C13orf42: variants seen among roughly 807,000 people sequenced by gnomAD.
The protein encoded by C13orf42 is uncharacterized protein C13orf42.
chr13:51,145,951 C>A (rs920747437), intron 1 of C13orf42, among the ~76,000 whole-genome samples: 2 of 152,192 alleles, frequency 1.3e-5, no homozygotes, highest in Admixed American at 1.3e-4. Flanking sequence ...AGCAAGTTCT[C>A]AACCTTGGCA....
At chr13:51,147,507 A>G (rs1953745501) in intron 1 of C13orf42, among the ~76,000 whole-genome samples, 1 of 152,132 alleles carries the variant, frequency 6.6e-6, no homozygotes, top group African/African-American at 2.4e-5. Flanking sequence ...AGGTGGGTGG[A>G]TCACCTGAGG....
Position 51,084,545 on chromosome 13 carries a change from G to T in C13orf42, c.804-220C>A, listed in dbSNP as rs879771212. Among the ~76,000 whole-genome samples, 112 of 152,364 alleles carry T rather than the reference G, an allele frequency of 7.4e-4. 1 individual carries two copies. The highest frequency in any genetic ancestry group is 6.8e-3 in the Admixed American group (104 of 15,308). On this transcript the variant is annotated intron_variant, in intron 3 of 3. Transcript: ENST00000563710. ...GGGAAGGACGGGTGGTGAGGGCTGG[G>T]TTGTGATTTTAATATGTCCAGTGCA...
chr13:51,121,725 C>CG (rs1953537228), intron 1 of C13orf42, among the ~76,000 whole-genome samples: 2 of 151,952 alleles, frequency 1.3e-5, no homozygotes, highest in South Asian at 4.2e-4. Context: ...TTAGTAGAGA[C>CG]GGGGTTTCAC....
chr13:51,097,154 C>T (rs1288135613), intron 1 of C13orf42, among the ~76,000 whole-genome samples: 1 of 152,210 alleles, frequency 6.6e-6, no homozygotes, highest in African/African-American at 2.4e-5. Flanking sequence ...TGCATAGATG[C>T]AAACAACAAT....
chr13:51,089,889 G>A (rs1279115150), intron 1 of C13orf42, among the ~76,000 whole-genome samples: 3 of 151,896 alleles, frequency 2.0e-5, no homozygotes, highest in African/African-American at 7.2e-5. Context: ...AAAAGCTTCT[G>A]CCAGTTGGAA....
chr13:51,127,382 A>G (rs1044053241), intron 1 of C13orf42, among the ~76,000 whole-genome samples: 1 of 152,240 alleles, frequency 6.6e-6, no homozygotes, highest in African/African-American at 2.4e-5. Flanking sequence ...ATGGATTCAC[A>G]GAAAGATTGT....
chr13:51,119,402 T>A (rs1329793992), intron 1 of C13orf42, among the ~76,000 whole-genome samples: 1 of 152,162 alleles, frequency 6.6e-6, no homozygotes, highest in East Asian at 1.9e-4. Context: ...CTCGTTTGTC[T>A]GATCAGCTTG....
At chr13:51,164,183 A>G (rs1213444311) in intron 1 of C13orf42, among the ~76,000 whole-genome samples, 1 of 152,186 alleles carries the variant, frequency 6.6e-6, no homozygotes, top group Non-Finnish European at 1.5e-5. Context: ...ATGTCTACTG[A>G]TATGAAGTGT....
At chr13:51,092,605 C>G (rs1953191437) in intron 1 of C13orf42, among the ~76,000 whole-genome samples, 1 of 152,004 alleles carries the variant, frequency 6.6e-6, no homozygotes, top group South Asian at 2.1e-4. Flanking sequence ...TTCTAAAACA[C>G]TCAACTTAGT....
chr13:51,108,190 G>C (rs1191000312), intron 1 of C13orf42, among the ~76,000 whole-genome samples: 1 of 152,178 alleles, frequency 6.6e-6, no homozygotes, highest in Non-Finnish European at 1.5e-5. Context: ...CCCTACTCCA[G>C]CATGACCTCA....
At chr13:51,166,287 T>C (rs1953901388) in intron 1 of C13orf42, among the ~76,000 whole-genome samples, 1 of 151,636 alleles carries the variant, frequency 6.6e-6, no homozygotes, top group Non-Finnish European at 1.5e-5. Flanking sequence ...TTCATGTCCT[T>C]TGTAGGGACA....
At chr13:51,146,921 T>A (rs1470855599) in intron 1 of C13orf42, among the ~76,000 whole-genome samples, 1 of 152,178 alleles carries the variant, frequency 6.6e-6, no homozygotes, top group Non-Finnish European at 1.5e-5. Flanking sequence ...CCTGCACCCA[T>A]CACCAAACCA....
At chr13:51,138,935 T>C (rs1478726195) in intron 1 of C13orf42, among the ~76,000 whole-genome samples, 1 of 152,174 alleles carries the variant, frequency 6.6e-6, no homozygotes, top group Non-Finnish European at 1.5e-5. Flanking sequence ...ACAATGTGGA[T>C]GAACCTGAAA....
At chr13:51,104,865 CAGG>C (rs921076334) in intron 1 of C13orf42, among the ~76,000 whole-genome samples, 1 of 151,204 alleles carries the variant, frequency 6.6e-6, no homozygotes, top group Non-Finnish European at 1.5e-5. Flanking sequence ...CTCGTCATAG[CAGG>C]AGAAGGCTGC....
At chr13:51,130,872 T>A (rs1045879098) in intron 1 of C13orf42, among the ~76,000 whole-genome samples, 1 of 151,002 alleles carries the variant, frequency 6.6e-6, no homozygotes, top group Admixed American at 6.6e-5. Flanking sequence ...AATATATATA[T>A]ATATATATAA....
chr13:51,130,379 A>C (rs985561664), intron 1 of C13orf42, among the ~76,000 whole-genome samples: 3 of 152,248 alleles, frequency 2.0e-5, no homozygotes, highest in African/African-American at 7.2e-5. Context: ...AAGGTTATAA[A>C]GAAAAGAGAT....
At chr13:51,133,247 T>C (rs1309898674) in intron 1 of C13orf42, among the ~76,000 whole-genome samples, 1 of 152,180 alleles carries the variant, frequency 6.6e-6, no homozygotes, top group African/African-American at 2.4e-5. Context: ...TTGGTACCCC[T>C]TTCCAGTAAC....
intron 1 of C13orf42, among the ~76,000 whole-genome samples, chr13:51,126,122 A>G (rs915801642): frequency 2.0e-5 from 3 of 152,238 alleles, no homozygotes; most frequent in Non-Finnish European, 4.4e-5. Flanking sequence ...TTCACATCTT[A>G]AAAGTTGTGG....
Position 51,153,630 on chromosome 13 carries a change from C to CTTTTTTTTTTTTTTT in C13orf42, n.136+18608_136+18622dup, listed in dbSNP as rs1206289963. 5.1e-3 allele frequency among the ~76,000 whole-genome samples: 418 copies of CTTTTTTTTTTTTTTT among 81,278 alleles called. 4 individuals are homozygous for CTTTTTTTTTTTTTTT. Among genetic ancestry groups the CTTTTTTTTTTTTTTT allele is most frequent in the Middle Eastern group, 9.1e-3 (1 of 110 alleles). 53.3% of individuals were successfully genotyped at this position (81,278 alleles called of 152,430 possible). A position where few individuals can be genotyped will look rare whatever the true frequency, so the allele number is the denominator to read the frequency against. ...CATTTTCTTGCTTTCTGTTTTTTTT[C>CTTTTTTTTTTTTTTT]TTTTTTTTTTTTTTTTTTTTTTTTT... On this transcript the variant is annotated intron_variant and non_coding_transcript_variant, in intron 1 of 4. Coordinates refer to the C13orf42 transcript ENST00000433280.
Sources: allele counts gnomAD v4.1 joint callset (sites outside exome capture counted in the v4.1 genomes callset), GRCh38; gene constraint gnomAD v4.1.1; transcripts MANE v1.5; gene names NCBI Gene and HGNC (gene_info 2026-07-23, HGNC 2026-07-21).